GPHN: variants seen among roughly 807,000 people sequenced by gnomAD.
GPHN encodes the protein gephyrin.
A neutral mutation model predicts 95.5 loss-of-function variants in GPHN; 17 were observed. That is an observed-to-expected ratio of 0.18 (90% CI 0.12 to 0.27). GPHN has a LOEUF of 0.27. GPHN is among the 10% of genes least tolerant of loss of function. The pLI is 1.00. For synonymous variants in GPHN, 320 were observed against 322.5 expected, an observed-to-expected ratio of 0.99 and a Z score of 0.08; for missense variants, 660 against 978.1, an observed-to-expected ratio of 0.67 and a Z score of 4.34.
rs1326590318 is a variant in GPHN, at chr14:66,924,210, C to G, written c.746C>G (p.Thr249Ser). 6.3e-7 allele frequency: 1 copy of G among 1,599,732 alleles called. No homozygotes were observed. The highest frequency in any genetic ancestry group is 1.3e-5 in the African/African-American group (1 of 74,814). The change falls in exon 8 of 23, where the codon ACC (threonine) becomes AGC (serine). Residue 249 changes from threonine (T) to serine (S), a missense_variant. Physicochemically the swap from Thr to Ser is moderately conservative, Grantham distance 58 (BLOSUM62 1). Transcript: ENST00000478722. ...GTGCATTAGAAGCATCCATTCTACA[C>G]CAGTCCTGCTGTTGTCATGGCACAC... ...AIAAKKHPFY[T>S]SPAVVMAHGE...
the GPHN span, chr14:67,302,177 A>G: frequency 2.7e-6 from 4 of 1,499,122 alleles, no homozygotes; most frequent in Middle Eastern, 1.8e-4. Flanking sequence ...GTGTGCTTCA[A>G]AAGTCTGGTT....
chr14:66,987,424 A>G (rs1170403748), intron 9 of GPHN, among the ~76,000 whole-genome samples: 1 of 152,144 alleles, frequency 6.6e-6, no homozygotes, highest in East Asian at 1.9e-4. Context: ...TTCTGGATGT[A>G]TAGAACTTCA....
At chr14:67,338,557 C>T in the GPHN span, 2 of 1,554,670 alleles carry the variant, frequency 1.3e-6, no homozygotes, top group South Asian at 2.4e-5. Flanking sequence ...CAAATCAAAC[C>T]TACACACTGT....
chr14:66,517,115 A>T (rs2058277613), intron 1 of GPHN, among the ~76,000 whole-genome samples: 1 of 132,142 alleles, frequency 7.6e-6, no homozygotes, highest in Non-Finnish European at 1.6e-5. Flanking sequence ...CCACACAGTG[A>T]GACTCCATCT....
chr14:67,658,553 C>T, the GPHN span, among the ~76,000 whole-genome samples: 7 of 152,220 alleles, frequency 4.6e-5, no homozygotes, highest in African/African-American at 7.2e-5. Context: ...GCCGAGATTG[C>T]GCCACTGCAC....
chr14:67,231,160 G>A, the GPHN span, among the ~76,000 whole-genome samples: 1 of 152,204 alleles, frequency 6.6e-6, no homozygotes, highest in African/African-American at 2.4e-5. Flanking sequence ...GTGAACCTTA[G>A]AAACAGGTTG....
chr14:67,429,039 G>A, the GPHN span, among the ~76,000 whole-genome samples: 14 of 152,236 alleles, frequency 9.2e-5, no homozygotes, highest in Non-Finnish European at 1.9e-4. Context: ...CTCAAGACCC[G>A]TATTCTCTTG....
the GPHN span, among the ~76,000 whole-genome samples, chr14:67,679,195 C>T: frequency 6.6e-6 from 1 of 152,148 alleles, no homozygotes; most frequent in Non-Finnish European, 1.5e-5. Context: ...TAAGGAACCA[C>T]TCCCAAGATA....
At chr14:66,880,166 A>T in intron 5 of GPHN, 133 bp downstream of exon 5, 1 of 694,104 alleles carries the variant, frequency 1.4e-6, no homozygotes. Flanking sequence ...AGCTTATACT[A>T]ATCACTTAAT....
intron 5 of GPHN, among the ~76,000 whole-genome samples, chr14:66,886,301 C>A (rs930096581): frequency 6.6e-6 from 1 of 152,080 alleles, no homozygotes; most frequent in African/African-American, 2.4e-5. Flanking sequence ...CATTAGACAG[C>A]AACAGGCCAC....
chr14:67,532,500 A>G, the GPHN span, among the ~76,000 whole-genome samples: 1 of 152,068 alleles, frequency 6.6e-6, no homozygotes, highest in Non-Finnish European at 1.5e-5. Flanking sequence ...GAGATCTGCA[A>G]ATGTCTGAGA....
At chr14:66,672,283 G>A (rs565341029) in intron 1 of GPHN, among the ~76,000 whole-genome samples, 13 of 152,074 alleles carry the variant, frequency 8.5e-5, no homozygotes, top group South Asian at 6.2e-4. Context: ...GTTTAATTCC[G>A]TTATGGTCTG....
chr14:66,550,261 C>T (rs908618529), intron 1 of GPHN, among the ~76,000 whole-genome samples: 1 of 152,176 alleles, frequency 6.6e-6, no homozygotes, highest in African/African-American at 2.4e-5. Flanking sequence ...GCGAGGAGGT[C>T]AAAATGTCAA....
chr14:66,735,698 T>C (rs887803951), intron 2 of GPHN, among the ~76,000 whole-genome samples: 1 of 152,064 alleles, frequency 6.6e-6, no homozygotes, highest in African/African-American at 2.4e-5. Flanking sequence ...TATAGCCAAA[T>C]TTTATTTTAT....
At chr14:66,651,928 T>C (rs1385604172) in intron 1 of GPHN, among the ~76,000 whole-genome samples, 1 of 152,056 alleles carries the variant, frequency 6.6e-6, no homozygotes, top group African/African-American at 2.4e-5. Flanking sequence ...CATAATATAT[T>C]ACAATGTAAT....
intron 1 of GPHN, among the ~76,000 whole-genome samples, chr14:66,566,246 T>TA (rs892390568): frequency 1.3e-5 from 2 of 151,926 alleles, no homozygotes; most frequent in African/African-American, 4.8e-5. Flanking sequence ...ATAGCCTACT[T>TA]AAAAAAAACC....
chr14:67,690,286 T>C, the GPHN span: 7 of 1,614,046 alleles, frequency 4.3e-6, no homozygotes, highest in African/African-American at 5.3e-5. Context: ...CAGGCCTGCA[T>C]TGTAGAATTT....
At chr14:67,648,249 CA>C in the GPHN span, 2 of 1,518,694 alleles carry the variant, frequency 1.3e-6, no homozygotes, top group East Asian at 2.3e-5. Context: ...CTCTTGCCTG[CA>C]AAGGATCTTT....
chr14:66,536,909 A>C (rs1188505469), intron 1 of GPHN, among the ~76,000 whole-genome samples: 3 of 152,036 alleles, frequency 2.0e-5, no homozygotes, highest in African/African-American at 7.2e-5. Context: ...TTTTCCCCTC[A>C]TGTAGTTGGA....
Sources: allele counts gnomAD v4.1 joint callset (sites outside exome capture counted in the v4.1 genomes callset), GRCh38; gene constraint gnomAD v4.1.1; transcripts MANE v1.5; gene names NCBI Gene and HGNC (gene_info 2026-07-23, HGNC 2026-07-21).